Variants in SEC23IP observed in about 807,000 individuals in gnomAD.
The protein encoded by SEC23IP is SEC23-interacting protein.
Under a neutral mutation model 113.4 loss-of-function variants are expected in SEC23IP, and 70 were observed. That is an observed-to-expected ratio of 0.62 (90% CI 0.51 to 0.75). SEC23IP has a LOEUF of 0.75. SEC23IP is among the 30% of genes least tolerant of loss of function. The pLI, the probability that SEC23IP is intolerant of heterozygous loss-of-function variation, is 0.00. For synonymous variants in SEC23IP, 398 were observed against 421.0 expected (o/e 0.95, Z 0.67); for missense variants, 1,160 against 1,204.9 (o/e 0.96, Z 0.55).
In SEC23IP at chr10:119,919,500, TA is replaced by T; in HGVS notation, c.1932del (p.Glu645LysfsTer3). The T allele has an allele frequency of 1.9e-6, 3 of 1,613,490 alleles. No homozygotes were observed. The highest frequency in any genetic ancestry group is 2.5e-6 in the Non-Finnish European group (3 of 1,179,784). ...AGTCGTATGACCTTGTTGTTGAAAA[TA>T]AAGAAGTCCTAACTTTGCAAGAAAC... ...DESYDLVVEN[K>X]EVLTLQETLE... On this transcript the variant is annotated frameshift_variant, in exon 11 of 19. Coordinates refer to ENST00000369075, the MANE Select transcript of SEC23IP (RefSeq NM_007190.4). LOFTEE classifies it high-confidence loss of function.
chr10:119,917,341 AG>A (rs1167984077), intron 8 of SEC23IP, among the ~76,000 whole-genome samples: 1 of 151,518 alleles, frequency 6.6e-6, no homozygotes, highest in African/African-American at 2.4e-5. Context: ...CTGGGTGTAC[AG>A]GTGTGTGCCA....
At chr10:119,931,813 A>C (rs1176833903) in intron 15 of SEC23IP, among the ~76,000 whole-genome samples, 1 of 151,926 alleles carries the variant, frequency 6.6e-6, no homozygotes, top group African/African-American at 2.4e-5. Context: ...CGGCCTCCCA[A>C]AGTGCTGGGA....
At chr10:119,901,975 C>T (rs1189318605) in intron 2 of SEC23IP, among the ~76,000 whole-genome samples, 4 of 152,192 alleles carry the variant, frequency 2.6e-5, no homozygotes, top group Non-Finnish European at 5.9e-5. Context: ...GTGTGAGCCA[C>T]TGCACCTGGG....
chr10:119,932,032 C>G, intron 15 of SEC23IP, 101 bp from the exon 16 acceptor site: 1 of 679,044 alleles, frequency 1.5e-6, no homozygotes, highest in Non-Finnish European at 2.6e-6. Flanking sequence ...GAGGAAGAAA[C>G]AGTCTTATCC....
intron 18 of SEC23IP, among the ~76,000 whole-genome samples, chr10:119,936,837 G>A (rs1251489267): frequency 6.6e-6 from 1 of 150,824 alleles, no homozygotes; most frequent in Non-Finnish European, 1.5e-5. Context: ...TGACCTTTGT[G>A]TTTTCTTGGA....
intron 13 of SEC23IP, 91 bp from the exon 14 acceptor site, chr10:119,929,516 G>A (rs564003074): frequency 1.0e-5 from 11 of 1,090,446 alleles, no homozygotes; most frequent in Admixed American, 9.3e-5. Context: ...TTACAGGCAT[G>A]AGCCACCACG....
At chr10:119,893,582 C>T (rs1490750562) in intron 1 of SEC23IP, among the ~76,000 whole-genome samples, 2 of 142,510 alleles carry the variant, frequency 1.4e-5, no homozygotes, top group African/African-American at 2.6e-5. Flanking sequence ...TGCAGTGGCG[C>T]GATCTCGGCT....
intron 6 of SEC23IP, chr10:119,914,506 A>G: frequency 2.0e-6 from 1 of 500,120 alleles, no homozygotes; most frequent in Non-Finnish European, 3.6e-6. Context: ...CCAGGAACAG[A>G]GAGAGCCTGC....
intron 1 of SEC23IP, among the ~76,000 whole-genome samples, chr10:119,895,357 G>A (rs1359959050): frequency 1.3e-4 from 20 of 152,264 alleles, no homozygotes. Context: ...CACCCTGGGC[G>A]ACAGAGTGAG....
chr10:119,919,325 G>T, intron 10 of SEC23IP, 119 bp from the exon 11 acceptor site: 1 of 917,134 alleles, frequency 1.1e-6, no homozygotes. Flanking sequence ...GCAAAGTACT[G>T]TGCCTAAAAT....
chr10:119,892,966 C>T, intron 1 of SEC23IP, 21 bp downstream of exon 1: 1 of 1,600,176 alleles, frequency 6.2e-7, no homozygotes, highest in Non-Finnish European at 8.5e-7. Context: ...GAGGGCGGCC[C>T]CGTGTGTGGT....
rs751027884 is a variant in SEC23IP at position 119,898,946 on chromosome 10, G to T, written c.683G>T (p.Gly228Val). The change falls in exon 2 of 19, where the codon GGA becomes GTA. Residue 228 changes from glycine to valine, a missense_variant. Gly to Val is a moderately radical substitution (Grantham distance 109, BLOSUM62 -3). Coordinates refer to ENST00000369075, the MANE Select transcript of SEC23IP (RefSeq NM_007190.4). ...PPVQMYQMPP[G>V]SLPPVPSSVQ... ...GTTCAGATGTACCAGATGCCTCCAG[G>T]ATCTTTGCCACCGGTATGGAGACAT... The T allele has an allele frequency of 6.3e-7, 1 of 1,586,336 alleles. No individual in the cohort carries two copies. The highest frequency in any genetic ancestry group is 1.3e-5 in the African/African-American group (1 of 74,694).
At chr10:119,898,352 G>A in intron 1 of SEC23IP, 75 bp from the exon 2 acceptor site, 1 of 1,454,556 alleles carries the variant, frequency 6.9e-7, no homozygotes, top group South Asian at 1.6e-5. Context: ...ATAATTGCTA[G>A]CCCTTCCTTA....
chr10:119,933,127 A>G lies in SEC23IP; in HGVS notation c.2881A>G (p.Asn961Asp). 6.2e-7 allele frequency: 1 copy of G among 1,614,122 alleles called. No individual in the cohort carries two copies. Among genetic ancestry groups the G allele is most frequent in the Non-Finnish European group, 8.5e-7 (1 of 1,179,958 alleles). The change falls in exon 17 of 19, where the codon AAT (asparagine) becomes GAT (aspartate). Residue 961 changes from asparagine (N) to aspartate (D), a missense_variant. Coordinates refer to ENST00000369075, the MANE Select transcript of SEC23IP (RefSeq NM_007190.4). ...VLQEKPIESF[N>D]EYLFALQSHL... ...CCAAGAAAAACCAATAGAGAGTTTT[A>G]ATGAATACCTTTTCGCTCTTCAGAG...
chr10:119,914,246 A>G (rs1854970486), intron 6 of SEC23IP, among the ~76,000 whole-genome samples: 1 of 152,214 alleles, frequency 6.6e-6, no homozygotes, highest in African/African-American at 2.4e-5. Flanking sequence ...GCTTTGGTGT[A>G]TGTGCTTTGG....
In SEC23IP at chr10:119,929,740, G is replaced by T. The variant is rs149837371; in HGVS notation, c.2447G>T (p.Gly816Val). ...AATTACAGCCTTCCTACCTGTAAAG[G>T]GTTCTTCAATATTTATCATCCGGTG... is the stretch of plus-strand genomic sequence containing the variant. ...DENYSLPTCK[G>V]FFNIYHPLDP... is the part of the protein sequence containing the mutation. Residue 816 changes from glycine to valine, a missense_variant, in exon 14 of 19, where the codon GGG becomes GTG. Physicochemically the swap from Gly to Val is moderately radical, Grantham distance 109. Transcript: ENST00000369075. 2.5e-6 allele frequency: 4 copies of T among 1,594,536 alleles called. No individual in the cohort carries two copies. Among genetic ancestry groups the T allele is most frequent in the Non-Finnish European group, 2.6e-6 (3 of 1,164,730 alleles).
At chr10:119,917,686 AT>A in intron 8 of SEC23IP, 149 bp from the exon 9 acceptor site, 1 of 618,714 alleles carries the variant, frequency 1.6e-6, no homozygotes, top group Non-Finnish European at 2.8e-6. Context: ...GCCTATCTTG[AT>A]TTATTTATAA....
At chr10:119,910,672 C>T (rs1467353031) in intron 5 of SEC23IP, among the ~76,000 whole-genome samples, 1 of 152,010 alleles carries the variant, frequency 6.6e-6, no homozygotes, top group Non-Finnish European at 1.5e-5. Context: ...CCATAGTAAC[C>T]ACTCTTAATC....
At chr10:119,911,229 A>G (rs892102966) in intron 5 of SEC23IP, among the ~76,000 whole-genome samples, 1 of 151,762 alleles carries the variant, frequency 6.6e-6, no homozygotes, top group Non-Finnish European at 1.5e-5. Context: ...TTTATAAGAC[A>G]AAGACTCTTC....
Sources: gnomAD v4.1 joint callset for allele counts (sites outside exome capture counted in the v4.1 genomes callset) on GRCh38, gnomAD v4.1.1 for gene constraint, MANE v1.5 for transcripts, NCBI Gene and HGNC (gene_info 2026-07-23, HGNC 2026-07-21) for gene names.